ROBO2: variants seen among roughly 807,000 people sequenced by gnomAD.
The protein encoded by ROBO2 is roundabout homolog 2.
Under a neutral mutation model 160.8 loss-of-function variants are expected in ROBO2, and 53 were observed. The observed-to-expected ratio is 0.33, with a 90% CI of 0.26 to 0.41. ROBO2 has a LOEUF of 0.41. Ranked by LOEUF, ROBO2 falls within the 10% of genes least tolerant of loss-of-function variation. ROBO2 has a pLI of 1.00. For synonymous variants in ROBO2, 664 were observed against 611.7 expected (o/e 1.09, Z -1.26); for missense variants, 1,577 against 1,722.4 (o/e 0.92, Z 1.49).
chr3:77,372,656 A>T (rs1226529777), intron 2 of ROBO2, among the ~76,000 whole-genome samples: 3 of 152,162 alleles, frequency 2.0e-5, no homozygotes, highest in African/African-American at 7.2e-5. Context: ...TTGAAATATT[A>T]TCTGTGTTGA....
intron 2 of ROBO2, among the ~76,000 whole-genome samples, chr3:76,295,925 T>C (rs984945983): frequency 1.3e-5 from 2 of 152,098 alleles, no homozygotes; most frequent in African/African-American, 4.8e-5. Context: ...GCAAACCAAC[T>C]CCACCCTCCC....
chr3:76,263,236 C>T (rs1338679071), intron 2 of ROBO2, among the ~76,000 whole-genome samples: 1 of 152,050 alleles, frequency 6.6e-6, no homozygotes, highest in Non-Finnish European at 1.5e-5. Context: ...GTACAATAGT[C>T]CTTTTTTTTG....
intron 2 of ROBO2, among the ~76,000 whole-genome samples, chr3:76,640,602 T>C (rs922645060): frequency 2.1e-4 from 21 of 100,336 alleles, no homozygotes; most frequent in East Asian, 1.8e-3. Flanking sequence ...TGTGAGTGTG[T>C]GTGTGTGTGT....
chr3:75,911,033 G>A (rs1946556081), intron 1 of ROBO2, among the ~76,000 whole-genome samples: 2 of 149,204 alleles, frequency 1.3e-5, no homozygotes, highest in South Asian at 4.1e-4. Context: ...AGTAAACAAT[G>A]CAATTTTTTT....
intron 2 of ROBO2, among the ~76,000 whole-genome samples, chr3:77,101,142 A>G (rs2071867625): frequency 6.6e-6 from 1 of 152,256 alleles, no homozygotes; most frequent in Non-Finnish European, 1.5e-5. Context: ...AGAGGCATTA[A>G]GTAGCTGTCA....
At chr3:76,335,265 T>C (rs71195264) in intron 2 of ROBO2, among the ~76,000 whole-genome samples, 49,378 of 136,068 alleles carry the variant, frequency 0.36, 10,440 homozygotes, top group Non-Finnish European at 0.47. Context: ...CACGGCAACC[T>C]CCACTCCTGG....
intron 21 of ROBO2, among the ~76,000 whole-genome samples, chr3:77,616,426 T>C (rs1427261479): frequency 2.0e-5 from 3 of 152,046 alleles, no homozygotes; most frequent in African/African-American, 4.8e-5. Flanking sequence ...TTAAGCGTGA[T>C]GTGAATGAAG....
chr3:76,016,761 A>G (rs556385775), intron 2 of ROBO2, among the ~76,000 whole-genome samples: 38 of 152,284 alleles, frequency 2.5e-4, no homozygotes, highest in African/African-American at 8.2e-4. Context: ...TGCACCTAGT[A>G]GGATCTCGAT....
intron 2 of ROBO2, among the ~76,000 whole-genome samples, chr3:76,184,207 TTC>T (rs1701637415): frequency 2.0e-5 from 3 of 152,140 alleles, no homozygotes; most frequent in Non-Finnish European, 4.4e-5. Flanking sequence ...TTTCTCATGC[TTC>T]TGTGTCCAGC....
intron 4 of ROBO2, among the ~76,000 whole-genome samples, chr3:77,485,655 C>T (rs1318778354): frequency 6.6e-6 from 1 of 151,932 alleles, no homozygotes; most frequent in South Asian, 2.1e-4. Context: ...GATTTTAAAC[C>T]TCCTTGGTTT....
At chr3:77,480,483 C>A (rs779931522) in intron 3 of ROBO2, among the ~76,000 whole-genome samples, 4 of 152,106 alleles carry the variant, frequency 2.6e-5, no homozygotes, top group Non-Finnish European at 5.9e-5. Flanking sequence ...ATGGTTTATA[C>A]TAATACATAT....
chr3:75,983,332 G>T (rs2065329745), intron 2 of ROBO2, among the ~76,000 whole-genome samples: 1 of 151,470 alleles, frequency 6.6e-6, no homozygotes, highest in Non-Finnish European at 1.5e-5. Flanking sequence ...AGTTGGCAGT[G>T]TACTGAAAGC....
intron 2 of ROBO2, among the ~76,000 whole-genome samples, chr3:75,946,001 G>T (rs1219817415): frequency 6.6e-6 from 1 of 152,082 alleles, no homozygotes; most frequent in Admixed American, 6.6e-5. Context: ...CAAGTCTTGG[G>T]AACTAGGACT....
chr3:76,285,805 A>G (rs533993578), intron 2 of ROBO2, among the ~76,000 whole-genome samples: 36 of 152,254 alleles, frequency 2.4e-4, no homozygotes, highest in African/African-American at 8.7e-4. Context: ...ATGTTTGTAT[A>G]TCTTAAGCAG....
chr3:76,520,243 G>A (rs2081537356), intron 2 of ROBO2, among the ~76,000 whole-genome samples: 1 of 152,140 alleles, frequency 6.6e-6, no homozygotes, highest in South Asian at 2.1e-4. Flanking sequence ...CTGAGGTCAG[G>A]GGTTCGATAC....
At chr3:77,223,705 A>G (rs2151218801) in intron 2 of ROBO2, among the ~76,000 whole-genome samples, 1 of 152,214 alleles carries the variant, frequency 6.6e-6, no homozygotes, top group South Asian at 2.1e-4. Flanking sequence ...AACATTAAAG[A>G]AAAATCACTT....
At chr3:76,987,941 T>C (rs1278464495) in intron 2 of ROBO2, among the ~76,000 whole-genome samples, 1 of 152,182 alleles carries the variant, frequency 6.6e-6, no homozygotes, top group African/African-American at 2.4e-5. Context: ...TTAAGTGATA[T>C]TAAAATAATC....
At chr3:76,709,166 T>A (rs182414062) in intron 2 of ROBO2, among the ~76,000 whole-genome samples, 93 of 152,212 alleles carry the variant, frequency 6.1e-4, no homozygotes, top group Admixed American at 2.4e-3. Context: ...TCATTGAAAA[T>A]TAGATATGCA....
chr3:77,040,225 A>T (rs949150773), exon 1 of ROBO2: 61 of 986,684 alleles, frequency 6.2e-5, no homozygotes, highest in Non-Finnish European at 7.1e-5. Context: ...CCCGCCTGCA[A>T]AGTGTTGCTT....
Sources: allele counts gnomAD v4.1 joint callset (sites outside exome capture counted in the v4.1 genomes callset), GRCh38; gene constraint gnomAD v4.1.1; transcripts MANE v1.5; gene names NCBI Gene and HGNC (gene_info 2026-07-23, HGNC 2026-07-21).